BMPR1B: variants seen among roughly 807,000 people sequenced by gnomAD.
BMPR1B encodes the protein bone morphogenetic protein receptor type 1B.
A neutral mutation model predicts 59.1 loss-of-function variants in BMPR1B; 12 were observed. That is an observed-to-expected ratio of 0.20 (90% CI 0.13 to 0.33). The LOEUF is 0.33. BMPR1B is among the 10% of genes least tolerant of loss of function. The pLI is 1.00. For synonymous variants in BMPR1B, 237 were observed against 207.3 expected (o/e 1.14, Z -1.23); for missense variants, 550 against 610.9 (o/e 0.90, Z 1.05).
intron 3 of BMPR1B, among the ~76,000 whole-genome samples, chr4:95,096,735 TTATATATAACTATATATAGTTA>T (rs1440914851): frequency 5.7e-5 from 1 of 17,696 alleles, no homozygotes; most frequent in African/African-American, 1.4e-4. Context: ...CTATATATAG[TTATATATAACTATATATAGTTA>T]TATATAACTA....
At chr4:95,046,969 G>T (rs1362620637) in intron 3 of BMPR1B, among the ~76,000 whole-genome samples, 2 of 152,184 alleles carry the variant, frequency 1.3e-5, no homozygotes, top group Non-Finnish European at 2.9e-5. Context: ...TAACCATTTG[G>T]CACATTGGTT....
At chr4:94,904,250 A>G (rs544495827) in intron 2 of BMPR1B, among the ~76,000 whole-genome samples, 38 of 152,162 alleles carry the variant, frequency 2.5e-4, no homozygotes, top group African/African-American at 8.7e-4. Context: ...GAACATTTCA[A>G]TGTCTGTGTA....
intron 1 of BMPR1B, among the ~76,000 whole-genome samples, chr4:94,780,393 A>C (rs1578634717): frequency 1.3e-5 from 2 of 152,180 alleles, no homozygotes; most frequent in Non-Finnish European, 2.9e-5. Context: ...CATTGCATAG[A>C]TAGACTATAT....
intron 3 of BMPR1B, among the ~76,000 whole-genome samples, chr4:95,102,849 C>T (rs531843080): frequency 6.6e-6 from 1 of 151,960 alleles, no homozygotes; most frequent in African/African-American, 2.4e-5. Context: ...TAGGGTTTTT[C>T]TAAGTGGAGT....
At chr4:94,795,383 G>A (rs987357963) in intron 1 of BMPR1B, among the ~76,000 whole-genome samples, 6 of 151,850 alleles carry the variant, frequency 4.0e-5, no homozygotes, top group Non-Finnish European at 8.8e-5. Flanking sequence ...CTTGATCATG[G>A]TGGATAAGCT....
At position 95,048,334 on chromosome 4, in the gene BMPR1B, T is replaced by G. The variant is rs562439656; in HGVS notation, c.-18+52200T>G. On this transcript the variant is annotated intron_variant, in intron 3 of 12. Coordinates refer to ENST00000515059, the MANE Select transcript of BMPR1B (RefSeq NM_001203.3). Reference sequence around the variant, plus strand: ...CCAGTAATGGCTTTACTGGGTAGAATGGTAGTTGGTAGTACTGTTTTAACT... The same window carrying G: ...CCAGTAATGGCTTTACTGGGTAGAAGGGTAGTTGGTAGTACTGTTTTAACT... Among the ~76,000 whole-genome samples, 11 of 152,320 alleles carry G rather than the reference T, an allele frequency of 7.2e-5. No homozygotes were observed. In the East Asian group the frequency reaches 1.4e-3, roughly 19 times the overall value.
chr4:94,989,502 G>A (rs992288367), intron 2 of BMPR1B, among the ~76,000 whole-genome samples: 3 of 151,882 alleles, frequency 2.0e-5, no homozygotes, highest in African/African-American at 7.3e-5. Flanking sequence ...TACAATTTCA[G>A]TTACCTAACA....
intron 3 of BMPR1B, among the ~76,000 whole-genome samples, chr4:95,004,645 G>A (rs2149113972): frequency 6.6e-6 from 1 of 152,152 alleles, no homozygotes; most frequent in South Asian, 2.1e-4. Flanking sequence ...TTTTTCTTAA[G>A]AGCTCTGTCT....
chr4:95,146,803 G>A (rs889950630), intron 10 of BMPR1B, among the ~76,000 whole-genome samples: 4 of 152,202 alleles, frequency 2.6e-5, no homozygotes, highest in Non-Finnish European at 5.9e-5. Flanking sequence ...AGCAGGTGGA[G>A]TAGGAGGAGA....
intron 3 of BMPR1B, among the ~76,000 whole-genome samples, chr4:94,997,983 G>A (rs926686026): frequency 1.3e-5 from 2 of 152,088 alleles, no homozygotes; most frequent in East Asian, 1.9e-4. Flanking sequence ...AGAAAACAAG[G>A]CAAGCAAATA....
At chr4:94,933,816 C>T (rs908300817) in intron 2 of BMPR1B, among the ~76,000 whole-genome samples, 3 of 152,114 alleles carry the variant, frequency 2.0e-5, no homozygotes, top group Non-Finnish European at 2.9e-5. Flanking sequence ...AGAGCCTAAT[C>T]CTTTGCACAC....
At chr4:95,043,844 T>C (rs1479690114) in intron 3 of BMPR1B, among the ~76,000 whole-genome samples, 2 of 151,860 alleles carry the variant, frequency 1.3e-5, no homozygotes, top group Non-Finnish European at 2.9e-5. Flanking sequence ...TCAGAAGATA[T>C]CATCATATCT....
At chr4:95,093,951 G>A (rs1246506302) in intron 3 of BMPR1B, among the ~76,000 whole-genome samples, 3 of 152,038 alleles carry the variant, frequency 2.0e-5, no homozygotes, top group African/African-American at 7.2e-5. Context: ...AAAGATACTG[G>A]TTGATTACTG....
chr4:95,125,156 T>C (rs369410807), intron 8 of BMPR1B, 35 bp downstream of exon 8: 3 of 1,612,076 alleles, frequency 1.9e-6, no homozygotes, highest in Middle Eastern at 3.3e-4. Flanking sequence ...TTAAAGGAAA[T>C]GTTTTCTGAA....
intron 3 of BMPR1B, among the ~76,000 whole-genome samples, chr4:95,036,319 T>A (rs1290372201): frequency 2.0e-5 from 3 of 152,138 alleles, no homozygotes; most frequent in South Asian, 2.1e-4. Context: ...TCTCTCTAAC[T>A]GTTTTTTTGG....
At chr4:94,788,321 A>G (rs1368605308) in intron 1 of BMPR1B, among the ~76,000 whole-genome samples, 1 of 152,158 alleles carries the variant, frequency 6.6e-6, no homozygotes, top group Non-Finnish European at 1.5e-5. Context: ...GGAGGAGTTA[A>G]GGTTATTGCT....
At chr4:95,007,579 G>T (rs917720419) in intron 3 of BMPR1B, among the ~76,000 whole-genome samples, 33 of 152,122 alleles carry the variant, frequency 2.2e-4, no homozygotes, top group African/African-American at 7.7e-4. Context: ...ATAATTTAAG[G>T]TTCTTATAAA....
intron 11 of BMPR1B, 131 bp from the exon 12 acceptor site, chr4:95,152,512 T>C: frequency 1.4e-6 from 1 of 709,864 alleles, no homozygotes; most frequent in Non-Finnish European, 2.1e-6. Context: ...TCAAGATTTA[T>C]TTTGCTATTT....
At chr4:95,104,206 G>A (rs967592813) in intron 3 of BMPR1B, 7 of 604,296 alleles carry the variant, frequency 1.2e-5, no homozygotes, top group African/African-American at 1.9e-5. Flanking sequence ...AAAGGATTAT[G>A]GGTCTTTCTT....
Sources: allele counts gnomAD v4.1 joint callset (sites outside exome capture counted in the v4.1 genomes callset), GRCh38; gene constraint gnomAD v4.1.1; transcripts MANE v1.5; gene names NCBI Gene and HGNC (gene_info 2026-07-23, HGNC 2026-07-21).